The following PROS1 variants were observed in gnomAD, a reference collection of about 807,000 sequenced individuals.
The protein encoded by PROS1 is protein S.
In PROS1, 29 loss-of-function variants were observed where a neutral mutation model predicts 75.9. The ratio of observed to expected loss-of-function variants is 0.38; its 90% CI spans 0.28 to 0.52. PROS1 has a LOEUF of 0.52. Among genes scored for constraint, PROS1 ranks in the 20% least tolerant of loss-of-function variants. PROS1 has a pLI of 0.83. For synonymous variants in PROS1, 245 were observed against 280.6 expected (o/e 0.87, Z 1.27); for missense variants, 680 against 810.3 (o/e 0.84, Z 1.95).
intron 1 of PROS1, among the ~76,000 whole-genome samples, chr3:93,952,986 G>T (rs1709531376): frequency 6.6e-6 from 1 of 152,098 alleles, no homozygotes; most frequent in Non-Finnish European, 1.5e-5. Context: ...TAGAAGAAAT[G>T]GATACATTGC....
chr3:93,966,691 AC>A (rs1709795115), intron 1 of PROS1, among the ~76,000 whole-genome samples: 1 of 152,128 alleles, frequency 6.6e-6, no homozygotes, highest in Non-Finnish European at 1.5e-5. Flanking sequence ...AGCCTGGCCA[AC>A]ATGGTGGAAC....
intron 1 of PROS1, among the ~76,000 whole-genome samples, chr3:93,946,099 A>G (rs868086890): frequency 9.9e-5 from 15 of 152,212 alleles, no homozygotes; most frequent in Middle Eastern, 6.8e-3. Flanking sequence ...AACTTACAAG[A>G]GATGTGAAGG....
At chr3:93,943,026 C>A (rs1004634673) in intron 1 of PROS1, among the ~76,000 whole-genome samples, 1 of 152,178 alleles carries the variant, frequency 6.6e-6, no homozygotes, top group East Asian at 1.9e-4. Context: ...GCGGTCATTT[C>A]TTCCCTTCTG....
intron 3 of PROS1, among the ~76,000 whole-genome samples, chr3:93,918,059 G>A (rs1708886545): frequency 2.0e-5 from 3 of 152,172 alleles, no homozygotes; most frequent in Non-Finnish European, 4.4e-5. Context: ...GAGTCTGGTG[G>A]GGCCTTGGAG....
At chr3:93,876,573 A>G (rs1708191002) in intron 14 of PROS1, among the ~76,000 whole-genome samples, 1 of 126,836 alleles carries the variant, frequency 7.9e-6, no homozygotes, top group Admixed American at 9.4e-5. Context: ...TGGGCGACAG[A>G]GCCAGACTCC....
At chr3:93,964,922 C>T (rs779178817) in intron 1 of PROS1, among the ~76,000 whole-genome samples, 2 of 152,104 alleles carry the variant, frequency 1.3e-5, no homozygotes, top group Non-Finnish European at 2.9e-5. Flanking sequence ...TTCGGATTTC[C>T]TAGGCCAACT....
intron 1 of PROS1, among the ~76,000 whole-genome samples, chr3:93,960,477 C>T (rs1281381169): frequency 4.8e-5 from 7 of 144,396 alleles, no homozygotes; most frequent in Non-Finnish European, 3.0e-5. Context: ...CGTCTGGCTG[C>T]GTTTGTCACT....
intron 9 of PROS1, among the ~76,000 whole-genome samples, chr3:93,893,645 C>T (rs1319540096): frequency 6.6e-6 from 1 of 151,594 alleles, no homozygotes; most frequent in Non-Finnish European, 1.5e-5. Flanking sequence ...TATAATTTCA[C>T]ATGTCAGGAA....
intron 1 of PROS1, among the ~76,000 whole-genome samples, chr3:93,956,533 T>TCTACACAC (rs1411361636): frequency 1.3e-4 from 15 of 113,336 alleles, no homozygotes; most frequent in South Asian, 3.1e-4. Flanking sequence ...TCTCTCTCTC[T>TCTACACAC]ACACACACAC....
At chr3:93,884,571 A>T (rs1483595659) in intron 12 of PROS1, among the ~76,000 whole-genome samples, 157 bp downstream of exon 12, 2 of 152,210 alleles carry the variant, frequency 1.3e-5, no homozygotes, top group African/African-American at 2.4e-5. Context: ...ACACTGAAAA[A>T]TTTTTGTAAA....
intron 6 of PROS1, among the ~76,000 whole-genome samples, chr3:93,904,483 C>T (rs1192975128): frequency 6.6e-6 from 1 of 152,106 alleles, no homozygotes; most frequent in African/African-American, 2.4e-5. Context: ...TATTATAGTA[C>T]ATTTTATCAT....
chr3:93,963,374 G>A (rs147894096), intron 1 of PROS1, among the ~76,000 whole-genome samples: 1 of 152,180 alleles, frequency 6.6e-6, no homozygotes, highest in East Asian at 1.9e-4. Flanking sequence ...TGAGCCTAAA[G>A]GCATAACTTA....
At chr3:93,916,226 C>T (rs1708846202) in intron 3 of PROS1, among the ~76,000 whole-genome samples, 1 of 152,106 alleles carries the variant, frequency 6.6e-6, no homozygotes, top group Admixed American at 6.5e-5. Context: ...GTTCATTTGT[C>T]CTTCTTCTTG....
chr3:93,969,953 A>G (rs1323109188), intron 1 of PROS1, among the ~76,000 whole-genome samples: 2 of 152,220 alleles, frequency 1.3e-5, no homozygotes, highest in Admixed American at 6.5e-5. Context: ...CACAGAATTA[A>G]TAGTAAGAGA....
chr3:93,973,579 G>A (rs1255758820), intron 1 of PROS1, 95 bp downstream of exon 1: 1 of 1,331,692 alleles, frequency 7.5e-7, no homozygotes, highest in Non-Finnish European at 1.1e-6. Context: ...CTTTCTAGGA[G>A]GCTGCAGCTC....
chr3:93,885,849 T>C (rs1207492962), intron 11 of PROS1, among the ~76,000 whole-genome samples: 1 of 152,204 alleles, frequency 6.6e-6, no homozygotes, highest in Non-Finnish European at 1.5e-5. Flanking sequence ...GGATGTAAGA[T>C]AGTAAATATT....
intron 1 of PROS1, among the ~76,000 whole-genome samples, chr3:93,947,544 G>A (rs1363173044): frequency 1.3e-5 from 2 of 151,974 alleles, no homozygotes; most frequent in African/African-American, 4.8e-5. Context: ...TTGGGAGAAA[G>A]CCGATAAAGC....
intron 1 of PROS1, among the ~76,000 whole-genome samples, chr3:93,953,812 G>C (rs951897511): frequency 2.0e-5 from 3 of 152,136 alleles, no homozygotes; most frequent in African/African-American, 7.2e-5. Context: ...TGACATGACT[G>C]TATATTTAGA....
At chr3:93,930,040 A>C (rs1239980205) in intron 1 of PROS1, among the ~76,000 whole-genome samples, 2 of 152,258 alleles carry the variant, frequency 1.3e-5, no homozygotes, top group Non-Finnish European at 2.9e-5. Context: ...TAAGTAACTA[A>C]AAAAATCTTT....
Sources: gnomAD v4.1 joint callset for allele counts (sites outside exome capture counted in the v4.1 genomes callset) on GRCh38, gnomAD v4.1.1 for gene constraint, MANE v1.5 for transcripts, NCBI Gene and HGNC (gene_info 2026-07-23, HGNC 2026-07-21) for gene names.